Variants in DUSP22 observed in about 807,000 individuals in gnomAD.
DUSP22 encodes the protein dual specificity protein phosphatase 22.
In DUSP22, 24 loss-of-function variants were observed where a neutral mutation model predicts 24.5. That is an observed-to-expected ratio of 0.98 (90% CI 0.71 to 1.38). The LOEUF is 1.38. DUSP22 is among the 40% of genes most tolerant of loss of function. DUSP22 has a pLI of 0.00. For missense variants in DUSP22, 330 were observed against 269.2 expected (o/e 1.23, Z -1.58); for synonymous variants, 160 against 106.4 (o/e 1.50, Z -3.10).
At chr6:347,628 C>T (rs1329982136) in intron 5 of DUSP22, among the ~76,000 whole-genome samples, 2 of 152,312 alleles carry the variant, frequency 1.3e-5, no homozygotes, top group African/African-American at 2.4e-5. Flanking sequence ...AAGGGCTTCT[C>T]TACATCATGG....
intron 3 of DUSP22, among the ~76,000 whole-genome samples, chr6:312,966 AT>A (rs5873738): frequency 8.6e-3 from 1,225 of 142,120 alleles, no homozygotes; most frequent in African/African-American, 0.026. Flanking sequence ...TTAGCTCATA[AT>A]TTTTTTTTTT....
At chr6:329,757 T>C (rs1337804217) in intron 3 of DUSP22, among the ~76,000 whole-genome samples, 1 of 152,298 alleles carries the variant, frequency 6.6e-6, no homozygotes, top group Admixed American at 6.5e-5. Context: ...CAGCCTACGA[T>C]GATAAATCTT....
rs2127425812 is a variant in DUSP22 at position 350,486 on chromosome 6, C to A, written c.*1535C>A. On this transcript the variant is annotated 3_prime_UTR_variant, in exon 7 of 7. Coordinates refer to ENST00000419235, the MANE Select transcript of DUSP22 (RefSeq NM_001286555.3). Reference sequence around the variant, plus strand: ...AAAAAGAGACCCTGAATAAGAAGAGCAGTTTTCCTGTGCATATAGAGGGTG... The same window carrying A: ...AAAAAGAGACCCTGAATAAGAAGAGAAGTTTTCCTGTGCATATAGAGGGTG... The A allele has an allele frequency of 2.5e-6, 3 of 1,195,250 alleles. No homozygotes were observed. The highest frequency in any genetic ancestry group is 8.4e-5 in the Admixed American group (2 of 23,806). The allele number at this position is 1,195,250 out of a possible 1,614,324, so 74.0% of individuals were successfully genotyped here. A position where few individuals can be genotyped will look rare whatever the true frequency, so the allele number is the denominator to read the frequency against.
chr6:331,526 G>C (rs939213496), intron 3 of DUSP22, among the ~76,000 whole-genome samples: 5 of 152,308 alleles, frequency 3.3e-5, no homozygotes, highest in Non-Finnish European at 7.3e-5. Context: ...AAACCGGAGA[G>C]TGGTCCTGTC....
intron 1 of DUSP22, among the ~76,000 whole-genome samples, chr6:299,985 AC>A (rs1479976104): frequency 6.6e-5 from 10 of 152,412 alleles, no homozygotes; most frequent in Admixed American, 5.9e-4. Flanking sequence ...TGACTTGAGT[AC>A]CTACCCAAGG....
chr6:339,426 GTATTAA>G (rs1485350828), intron 4 of DUSP22, among the ~76,000 whole-genome samples: 1 of 152,304 alleles, frequency 6.6e-6, no homozygotes, highest in African/African-American at 2.4e-5. Flanking sequence ...CAAGTAAAGA[GTATTAA>G]TATGTTTTGA....
At chr6:308,552 G>T (rs1189734072) in intron 2 of DUSP22, among the ~76,000 whole-genome samples, 1 of 152,310 alleles carries the variant, frequency 6.6e-6, no homozygotes, top group East Asian at 1.9e-4. Flanking sequence ...GCTTCCCTGT[G>T]CTTTGGAGTC....
At chr6:331,229 C>T (rs1401544953) in intron 3 of DUSP22, among the ~76,000 whole-genome samples, 1 of 152,308 alleles carries the variant, frequency 6.6e-6, no homozygotes, top group Non-Finnish European at 1.5e-5. Flanking sequence ...TGTTTTGGAA[C>T]ATCGTGGAAA....
Position 311,900 on chromosome 6 carries a change from T to C in DUSP22, c.76T>C (p.Leu26=). 3 of 1,612,202 alleles carry C rather than the reference T, an allele frequency of 1.9e-6. No individual in the cohort carries two copies. The highest frequency in any genetic ancestry group is 2.2e-5 in the East Asian group (1 of 44,688). The change falls in exon 3 of 7, where the codon TTG becomes CTG. Residue 26 remains leucine, a synonymous_variant. Coordinates refer to ENST00000419235, the MANE Select transcript of DUSP22 (RefSeq NM_001286555.3). Reference sequence around the variant, plus strand: ...GACAGATGCCAGAGACGCGGAACAATTGAGCAAGAACAAGGTGACACATAT... The same window carrying C: ...GACAGATGCCAGAGACGCGGAACAACTGAGCAAGAACAAGGTGACACATAT... ...NFKDARDAEQ[L]SKNKVTHILS...
At chr6:312,933 G>C (rs151240845) in intron 3 of DUSP22, among the ~76,000 whole-genome samples, 61 of 152,150 alleles carry the variant, frequency 4.0e-4, no homozygotes, top group Non-Finnish European at 1.5e-5. Context: ...CCAGATCTCC[G>C]AGCTCCTACT....
chr6:301,265 G>A (rs1757569509), intron 1 of DUSP22, among the ~76,000 whole-genome samples: 1 of 152,306 alleles, frequency 6.6e-6, no homozygotes, highest in South Asian at 2.1e-4. Context: ...AGGGATAAAG[G>A]ACCCCAAACA....
intron 2 of DUSP22, among the ~76,000 whole-genome samples, chr6:310,822 G>A (rs1431467029): frequency 2.0e-5 from 3 of 152,310 alleles, no homozygotes; most frequent in African/African-American, 7.2e-5. Context: ...CTACAAAATG[G>A]TCTCGTAAAT....
intron 1 of DUSP22, among the ~76,000 whole-genome samples, chr6:302,458 C>T (rs990711521): frequency 6.6e-6 from 1 of 152,306 alleles, no homozygotes; most frequent in Admixed American, 6.5e-5. Context: ...CCCTCCCTGT[C>T]TGCCCACTGC....
chr6:336,660 G>A (rs1345089259), intron 4 of DUSP22, among the ~76,000 whole-genome samples: 1 of 152,308 alleles, frequency 6.6e-6, no homozygotes, highest in Non-Finnish European at 1.5e-5. Context: ...TGCTCCCCAG[G>A]GGCTGTGTTT....
chr6:342,673 G>A (rs1419694413), intron 4 of DUSP22, among the ~76,000 whole-genome samples: 1 of 152,310 alleles, frequency 6.6e-6, no homozygotes, highest in Non-Finnish European at 1.5e-5. Context: ...AAGGGAGAGA[G>A]ACACTTGGCA....
At chr6:331,157 C>T (rs911476483) in intron 3 of DUSP22, among the ~76,000 whole-genome samples, 2 of 152,290 alleles carry the variant, frequency 1.3e-5, no homozygotes, top group African/African-American at 2.4e-5. Flanking sequence ...ATTGAAGCAC[C>T]GTAACTTGAC....
intron 3 of DUSP22, among the ~76,000 whole-genome samples, chr6:333,489 G>A (rs1420019444): frequency 2.0e-5 from 3 of 152,306 alleles, no homozygotes; most frequent in African/African-American, 2.4e-5. Flanking sequence ...GGGGAAAGAT[G>A]TTTTTCTGAC....
intron 3 of DUSP22, among the ~76,000 whole-genome samples, chr6:323,027 T>C (rs1008363008): frequency 2.6e-5 from 4 of 152,308 alleles, no homozygotes; most frequent in African/African-American, 4.8e-5. Flanking sequence ...TGAATAATCA[T>C]TGCCTGCTAG....
intron 3 of DUSP22, among the ~76,000 whole-genome samples, chr6:318,882 GA>G (rs1758452016): frequency 6.6e-6 from 1 of 152,304 alleles, no homozygotes; most frequent in Admixed American, 6.5e-5. Flanking sequence ...ACAAGAAAAG[GA>G]AGACGTCTGT....
Sources: allele counts gnomAD v4.1 joint callset (sites outside exome capture counted in the v4.1 genomes callset), GRCh38; gene constraint gnomAD v4.1.1; transcripts MANE v1.5; gene names NCBI Gene and HGNC (gene_info 2026-07-23, HGNC 2026-07-21).